The following TMCO5A variants were observed in gnomAD, a reference collection of about 807,000 sequenced individuals.
The protein encoded by TMCO5A is transmembrane and coiled-coil domains 5A.
Under a neutral mutation model 42.3 loss-of-function variants are expected in TMCO5A, and 34 were observed. The observed-to-expected ratio is 0.80, with a 90% CI of 0.61 to 1.07. The LOEUF is 1.07. Ranked by LOEUF, TMCO5A falls within the 50% of genes least tolerant of loss-of-function variation. TMCO5A has a pLI of 0.00. For missense variants in TMCO5A, 357 were observed against 327.9 expected (o/e 1.09, Z -0.69); for synonymous variants, 131 against 115.6 (o/e 1.13, Z -0.86).
At chr15:37,967,031 C>G (rs1890574881) in exon 12 of TMCO5A, 1 of 210,746 alleles carries the variant, frequency 4.7e-6, no homozygotes. Flanking sequence ...TTCCTATAAG[C>G]AAAAATTATA....
chr15:37,964,490 A>T (rs1048688897), intron 11 of TMCO5A, among the ~76,000 whole-genome samples: 1 of 151,738 alleles, frequency 6.6e-6, no homozygotes, highest in Non-Finnish European at 1.5e-5. Context: ...GTTGATCTGG[A>T]GCTAAAATTC....
chr15:37,956,326 C>T (rs565402387), downstream of TMCO5A, among the ~76,000 whole-genome samples: 54 of 151,804 alleles, frequency 3.6e-4, no homozygotes, highest in Non-Finnish European at 6.2e-4. Flanking sequence ...TTGAAACGAT[C>T]AACAAAATAG....
exon 12 of TMCO5A, chr15:37,966,808 G>A (rs926432710): frequency 1.5e-6 from 1 of 660,868 alleles, no homozygotes; most frequent in Admixed American, 2.2e-5. Flanking sequence ...TGTGGCCAGA[G>A]GGATGGAGTA....
chr15:37,943,251 G>T (rs1889816458), intron 9 of TMCO5A, 90 bp from the exon 10 acceptor site: 2 of 1,229,478 alleles, frequency 1.6e-6, no homozygotes, highest in African/African-American at 1.5e-5. Flanking sequence ...TACAGATTTA[G>T]AATATAAAGC....
chr15:37,999,053 T>A, the TMCO5A span, among the ~76,000 whole-genome samples: 1 of 152,122 alleles, frequency 6.6e-6, no homozygotes, highest in Non-Finnish European at 1.5e-5. Flanking sequence ...ATTACAGGCA[T>A]GCGCCACCAT....
chr15:37,951,948 GGAGA>G (rs951510950), downstream of TMCO5A, among the ~76,000 whole-genome samples: 1 of 152,070 alleles, frequency 6.6e-6, no homozygotes, highest in African/African-American at 2.4e-5. Flanking sequence ...TGTGTGGTGA[GGAGA>G]GAAAGACTGC....
downstream of TMCO5A, among the ~76,000 whole-genome samples, chr15:37,972,089 C>A (rs1890684123): frequency 6.6e-6 from 1 of 152,156 alleles, no homozygotes; most frequent in Non-Finnish European, 1.5e-5. Context: ...GAAGACATAC[C>A]TGAGACTGGG....
chr15:37,953,594 A>G (rs1450514834), downstream of TMCO5A, among the ~76,000 whole-genome samples: 1 of 152,042 alleles, frequency 6.6e-6, no homozygotes, highest in Admixed American at 6.6e-5. Flanking sequence ...TCCCAAGTAG[A>G]ATGGGTACAA....
At chr15:38,000,452 T>A in the TMCO5A span, among the ~76,000 whole-genome samples, 1 of 151,986 alleles carries the variant, frequency 6.6e-6, no homozygotes, top group Non-Finnish European at 1.5e-5. Context: ...TTTGTTTATC[T>A]TTTCAAAAAA....
downstream of TMCO5A, among the ~76,000 whole-genome samples, chr15:37,955,555 T>G (rs1890266077): frequency 6.6e-6 from 1 of 152,092 alleles, no homozygotes; most frequent in Non-Finnish European, 1.5e-5. Context: ...ATATCCTAAA[T>G]ATATATGCAC....
the TMCO5A span, among the ~76,000 whole-genome samples, chr15:38,030,499 T>C: frequency 6.6e-6 from 1 of 152,224 alleles, no homozygotes; most frequent in Non-Finnish European, 1.5e-5. Context: ...GCCTCCAGGT[T>C]TGCTGCTCTC....
chr15:38,014,216 G>A, the TMCO5A span, among the ~76,000 whole-genome samples: 1 of 151,950 alleles, frequency 6.6e-6, no homozygotes, highest in Admixed American at 6.6e-5. Flanking sequence ...AGATATCTTT[G>A]GGAGGCCATT....
Position 37,938,068 on chromosome 15 carries a change from A to G in TMCO5A, c.316-90A>G, listed in dbSNP as rs953739659. On this transcript the variant is annotated intron_variant, in intron 5 of 11. Coordinates refer to ENST00000319669, the MANE Select transcript of TMCO5A (RefSeq NM_152453.4). ...AGGACCATATCCTGGAAAGGTTTAT[A>G]AAGGCCATAGTTACTAATCTCCACA... 4.6e-6 allele frequency: 5 copies of G among 1,092,310 alleles called. No homozygotes were observed. The African/African-American group carries it at 8.0e-5, about 17-fold the overall frequency. The allele number at this position is 1,092,310 out of a possible 1,614,324, so 67.7% of individuals were successfully genotyped here.
chr15:37,940,611 C>T (rs983088629), intron 6 of TMCO5A, among the ~76,000 whole-genome samples: 1 of 152,046 alleles, frequency 6.6e-6, no homozygotes, highest in Non-Finnish European at 1.5e-5. Flanking sequence ...GTCTCCCTAC[C>T]AGAATGCCAG....
chr15:38,016,832 C>G, the TMCO5A span, among the ~76,000 whole-genome samples: 1 of 152,138 alleles, frequency 6.6e-6, no homozygotes, highest in Admixed American at 6.6e-5. Context: ...ACACCCATAA[C>G]TACTAGTAGG....
intron 10 of TMCO5A, chr15:37,943,677 T>C (rs866557753): frequency 1.3e-5 from 5 of 396,478 alleles, no homozygotes; most frequent in African/African-American, 6.1e-5. Flanking sequence ...GCAACCTTAA[T>C]TGAGGGTATG....
chr15:37,996,528 G>T, the TMCO5A span, among the ~76,000 whole-genome samples: 2 of 152,178 alleles, frequency 1.3e-5, no homozygotes, highest in Admixed American at 1.3e-4. Context: ...TCACTTAAAT[G>T]TCTTAAAAGC....
At chr15:38,033,971 G>GT in the TMCO5A span, among the ~76,000 whole-genome samples, 8 of 152,266 alleles carry the variant, frequency 5.3e-5, no homozygotes, top group Non-Finnish European at 1.2e-4. Flanking sequence ...AGACAAAGTA[G>GT]TTTATTAATA....
At chr15:38,027,873 C>T in the TMCO5A span, among the ~76,000 whole-genome samples, 15 of 152,086 alleles carry the variant, frequency 9.9e-5, no homozygotes, top group Admixed American at 4.6e-4. Flanking sequence ...CCATGTAAGA[C>T]GTGCCTTTGC....
Sources: allele counts gnomAD v4.1 joint callset (sites outside exome capture counted in the v4.1 genomes callset), GRCh38; gene constraint gnomAD v4.1.1; transcripts MANE v1.5; gene names NCBI Gene and HGNC (gene_info 2026-07-23, HGNC 2026-07-21).